The following PLEKHA2 variants were observed in gnomAD, a reference collection of about 807,000 sequenced individuals.
PLEKHA2 encodes the protein pleckstrin homology domain containing A2.
PLEKHA2 carries 28 observed loss-of-function variants against 53.2 expected under a neutral mutation model. The ratio of observed to expected loss-of-function variants is 0.53; its 90% CI spans 0.39 to 0.72. The LOEUF is 0.72. PLEKHA2 is among the 30% of genes least tolerant of loss of function. PLEKHA2 has a pLI of 0.00. For missense variants in PLEKHA2, 426 were observed against 537.9 expected (o/e 0.79, Z 2.06); for synonymous variants, 193 against 196.4 (o/e 0.98, Z 0.14).
intron 5 of PLEKHA2, among the ~76,000 whole-genome samples, chr8:38,949,766 A>G (rs13261355): frequency 0.43 from 65,285 of 152,116 alleles, 14,091 homozygotes; most frequent in South Asian, 0.55. Context: ...AGCATTTAAT[A>G]TACTCTATCA....
chr8:38,944,115 T>TTA (rs1467159208), intron 4 of PLEKHA2, among the ~76,000 whole-genome samples: 7 of 152,124 alleles, frequency 4.6e-5, no homozygotes, highest in African/African-American at 1.7e-4. Flanking sequence ...CAAATAATAA[T>TTA]TATATATATT....
At chr8:38,968,538 A>G (rs976031182) in intron 10 of PLEKHA2, 54 bp from the exon 11 acceptor site, 43 of 1,554,532 alleles carry the variant, frequency 2.8e-5, no homozygotes, top group Non-Finnish European at 3.6e-5. Context: ...GAGACTTGGA[A>G]GCTGAAATCA....
chr8:38,961,059 C>T (rs1835031939), intron 10 of PLEKHA2: 1 of 152,192 alleles, frequency 6.6e-6, no homozygotes, highest in Non-Finnish European at 1.5e-5. Context: ...CCACTAATAT[C>T]ATTAACAGTC....
intron 4 of PLEKHA2, among the ~76,000 whole-genome samples, chr8:38,945,590 AGTAAATT>A (rs1338741439): frequency 1.7e-4 from 26 of 152,200 alleles, no homozygotes; most frequent in Non-Finnish European, 3.7e-4. Context: ...TGAATGTGGA[AGTAAATT>A]GTTGACCTAA....
intron 5 of PLEKHA2, among the ~76,000 whole-genome samples, chr8:38,948,149 G>A (rs1322087095): frequency 6.6e-6 from 1 of 151,790 alleles, no homozygotes; most frequent in Non-Finnish European, 1.5e-5. Context: ...AATTCATCTG[G>A]GTCATTTAGG....
intron 10 of PLEKHA2, among the ~76,000 whole-genome samples, chr8:38,964,368 T>C (rs1432369872): frequency 1.3e-5 from 2 of 152,100 alleles, no homozygotes; most frequent in Non-Finnish European, 2.9e-5. Flanking sequence ...GAGTTCCACC[T>C]CCTGTCGGAT....
At position 38,936,977 on chromosome 8, in the gene PLEKHA2, C is replaced by G. The variant is rs1834507173; in HGVS notation, c.198+927C>G. Among the ~76,000 whole-genome samples, 2 of 152,294 alleles carry G rather than the reference C, an allele frequency of 1.3e-5. 1 individual carries two copies. Among genetic ancestry groups the G allele is most frequent in the South Asian group, 4.1e-4 (2 of 4,822 alleles). On this transcript the variant is annotated intron_variant, in intron 3 of 11. Coordinates refer to ENST00000617275, the MANE Select transcript of PLEKHA2 (RefSeq NM_021623.2). ...CTCAGGGGCTGGAGGCCTGGGGGCC[C>G]CTGAGCCAAGGGTCTATCGGCTCCA...
At chr8:38,968,844 C>A in intron 11 of PLEKHA2, 175 bp downstream of exon 11, 1 of 590,110 alleles carries the variant, frequency 1.7e-6, no homozygotes, top group Non-Finnish European at 3.0e-6. Flanking sequence ...TTTTATTTTT[C>A]TCTGTTTGGT....
chr8:38,928,814 C>G (rs188853489), intron 2 of PLEKHA2, among the ~76,000 whole-genome samples: 4 of 152,138 alleles, frequency 2.6e-5, no homozygotes, highest in Admixed American at 2.6e-4. Context: ...ATCAGCGTGT[C>G]GTGTGTCCCC....
At chr8:38,937,498 C>CT (rs200237166) in intron 3 of PLEKHA2, among the ~76,000 whole-genome samples, 43 of 149,740 alleles carry the variant, frequency 2.9e-4, no homozygotes, top group East Asian at 1.8e-3. Context: ...TTTGGGAAGC[C>CT]TTTTTTTTTT....
intron 2 of PLEKHA2, among the ~76,000 whole-genome samples, chr8:38,925,680 G>A (rs995686572): frequency 2.6e-5 from 4 of 152,182 alleles, no homozygotes; most frequent in Non-Finnish European, 4.4e-5. Flanking sequence ...TCCATTGATG[G>A]GGTGAAGAGC....
intron 10 of PLEKHA2, among the ~76,000 whole-genome samples, chr8:38,967,880 G>A (rs917797507): frequency 5.3e-5 from 8 of 152,010 alleles, no homozygotes; most frequent in East Asian, 1.9e-4. Context: ...CAGGCTGGTC[G>A]TGAACTCCTG....
chr8:38,902,296 C>T (rs1175055584), intron 1 of PLEKHA2, among the ~76,000 whole-genome samples: 2 of 152,032 alleles, frequency 1.3e-5, no homozygotes, highest in Non-Finnish European at 2.9e-5. Flanking sequence ...GCGCAGGGCC[C>T]GCTGCGGCCG....
At chr8:38,942,025 C>A (rs1485146552) in intron 3 of PLEKHA2, among the ~76,000 whole-genome samples, 3 of 152,184 alleles carry the variant, frequency 2.0e-5, no homozygotes, top group Non-Finnish European at 4.4e-5. Context: ...TTGTTAGACC[C>A]TAACTGCTGT....
In PLEKHA2 at chr8:38,917,959, C is replaced by T. The variant is rs1024191721; in HGVS notation, c.30C>T (p.Ile10=). Reference sequence around the variant, plus strand: ...CTTATGTGGATCGGCAGAACCGAATCTGTGGGTTTCTGGACATCGAGGAGC... The same window carrying T: ...CTTATGTGGATCGGCAGAACCGAATTTGTGGGTTTCTGGACATCGAGGAGC... The part of the protein sequence containing the change: MPYVDRQNR[I]CGFLDIEEHE... The change falls in exon 2 of 12, where the codon ATC becomes ATT. Residue 10 remains isoleucine, a synonymous_variant. Coordinates refer to ENST00000617275, the MANE Select transcript of PLEKHA2 (RefSeq NM_021623.2). The T allele has an allele frequency of 4.3e-6, 7 of 1,613,640 alleles. No individual in the cohort carries two copies. Among genetic ancestry groups the T allele is most frequent in the Middle Eastern group, 1.7e-4 (1 of 6,058 alleles).
At position 38,935,990 on chromosome 8, in the gene PLEKHA2, T is replaced by C. The variant is rs761678994; in HGVS notation, c.142-4T>C. On this transcript the variant is annotated splice_polypyrimidine_tract_variant and splice_region_variant and intron_variant, in intron 2 of 11. Coordinates refer to ENST00000617275, the MANE Select transcript of PLEKHA2 (RefSeq NM_021623.2). ...TCTTAAAATGAAAACTATGTGTCTT[T>C]CAGAATCTGGCAATGGGGGCAGGAG... is the stretch of plus-strand genomic sequence containing the variant. 4.6e-5 allele frequency: 74 copies of C among 1,613,284 alleles called. No homozygotes were observed. Among genetic ancestry groups the C allele is most frequent in the Non-Finnish European group, 6.2e-5 (73 of 1,179,450 alleles).
intron 6 of PLEKHA2, among the ~76,000 whole-genome samples, chr8:38,951,716 A>AT (rs1261053422): frequency 1.3e-5 from 2 of 151,278 alleles, no homozygotes; most frequent in African/African-American, 2.4e-5. Context: ...TTGTTATTTA[A>AT]TTTTTTTAGA....
At chr8:38,948,471 C>T (rs1431431223) in intron 5 of PLEKHA2, among the ~76,000 whole-genome samples, 1 of 152,158 alleles carries the variant, frequency 6.6e-6, no homozygotes, top group African/African-American at 2.4e-5. Flanking sequence ...ACTGTAACTG[C>T]TGGTATCTCT....
At chr8:38,938,397 G>A (rs1834536212) in intron 3 of PLEKHA2, among the ~76,000 whole-genome samples, 1 of 152,200 alleles carries the variant, frequency 6.6e-6, no homozygotes, top group South Asian at 2.1e-4. Context: ...TGTGGGGCAA[G>A]GTCACCCCCA....
Sources: gnomAD v4.1 joint callset for allele counts (sites outside exome capture counted in the v4.1 genomes callset) on GRCh38, gnomAD v4.1.1 for gene constraint, MANE v1.5 for transcripts, NCBI Gene and HGNC (gene_info 2026-07-23, HGNC 2026-07-21) for gene names.